The following USP18 variants were observed in gnomAD, a reference collection of about 807,000 sequenced individuals.
USP18 encodes ubl carboxyl-terminal hydrolase 18.
A neutral mutation model predicts 48.7 loss-of-function variants in USP18; 11 were observed. The observed-to-expected ratio is 0.23, with a 90% CI of 0.14 to 0.37. The LOEUF is 0.37. Ranked by LOEUF, USP18 falls within the 10% of genes least tolerant of loss-of-function variation. USP18 has a pLI of 1.00. For synonymous variants in USP18, 114 were observed against 163.2 expected (o/e 0.70, Z 2.30); for missense variants, 285 against 436.4 (o/e 0.65, Z 3.09).
At chr22:18,156,866 G>A (rs957368501) in intron 1 of USP18, among the ~76,000 whole-genome samples, 2 of 152,184 alleles carry the variant, frequency 1.3e-5, no homozygotes, top group Admixed American at 6.5e-5. Context: ...CACCAATTCC[G>A]GACACACTGG....
intron 4 of USP18, among the ~76,000 whole-genome samples, chr22:18,163,013 C>A (rs1192588705): frequency 2.0e-5 from 3 of 151,522 alleles, no homozygotes; most frequent in East Asian, 2.0e-4. Context: ...AGTGACCTAT[C>A]TTCTAGTTTG....
chr22:18,162,962 T>C (rs1335054938), intron 4 of USP18, among the ~76,000 whole-genome samples: 1 of 151,118 alleles, frequency 6.6e-6, no homozygotes, highest in Non-Finnish European at 1.5e-5. Context: ...ATCTTCACTC[T>C]TTTTCATTCT....
intron 4 of USP18, among the ~76,000 whole-genome samples, chr22:18,164,067 C>T (rs1460172515): frequency 6.6e-6 from 1 of 152,228 alleles, no homozygotes; most frequent in African/African-American, 2.4e-5. Flanking sequence ...CTTTGTCACC[C>T]CCAGGGGCCT....
At chr22:18,174,558 A>G (rs954042133) in intron 10 of USP18, among the ~76,000 whole-genome samples, 7 of 151,972 alleles carry the variant, frequency 4.6e-5, no homozygotes, top group Non-Finnish European at 8.8e-5. Flanking sequence ...GCATTTGAGC[A>G]TACCTCTTTT....
At position 18,156,650 on chromosome 22, in the gene USP18, C is replaced by A. The variant is rs945422576; in HGVS notation, c.-106-908C>A. ...CGGGAGGAACGGACATCTCCAGATG[C>A]GCCGTATTAGGAGCTGTAACACTCA... is the stretch of plus-strand genomic sequence containing the variant. On this transcript the variant is annotated intron_variant, in intron 1 of 10. Coordinates refer to ENST00000215794, the MANE Select transcript of USP18 (RefSeq NM_017414.4). Among the ~76,000 whole-genome samples, 3 of 151,790 alleles carry A rather than the reference C, an allele frequency of 2.0e-5. No individual in the cohort carries two copies. The East Asian group carries it at 5.8e-4, about 29-fold the overall frequency.
At chr22:18,160,039 C>T in intron 2 of USP18, 133 bp from the exon 3 acceptor site, 2 of 839,690 alleles carry the variant, frequency 2.4e-6, no homozygotes, top group Non-Finnish European at 4.1e-6. Flanking sequence ...GTCTCGAACT[C>T]CCGACCTCAG....
Position 18,161,922 on chromosome 22 carries a change from G to A in USP18, c.387G>A (p.Lys129=). 6.2e-7 allele frequency: 1 copy of A among 1,613,104 alleles called. No homozygotes were observed. Among genetic ancestry groups the A allele is most frequent in the South Asian group, 1.1e-5 (1 of 90,938 alleles). The change falls in exon 4 of 11, where the codon AAG becomes AAA. Residue 129 remains lysine, a synonymous_variant. Coordinates refer to ENST00000215794, the MANE Select transcript of USP18 (RefSeq NM_017414.4). ...TGGAGCTGGCCTACTGCCTGCAGAA[G>A]TGCAACGTGCCCTGTAAGATACCCT... ...RPLELAYCLQ[K]CNVPLFVQHD... is the part of the protein sequence containing the mutation.
At chr22:18,171,722 G>A (rs1929632398) in intron 8 of USP18, among the ~76,000 whole-genome samples, 2 of 151,774 alleles carry the variant, frequency 1.3e-5, no homozygotes, top group Non-Finnish European at 2.9e-5. Flanking sequence ...TTGTATTCCT[G>A]TATGTACGGG....
chr22:18,167,360 G>A (rs1402538198), intron 5 of USP18, 26 bp downstream of exon 5: 5 of 1,612,408 alleles, frequency 3.1e-6, no homozygotes, highest in Non-Finnish European at 4.2e-6. Flanking sequence ...CAGAGCACTC[G>A]GAAGCTTAAG....
intron 2 of USP18, among the ~76,000 whole-genome samples, chr22:18,158,445 G>A (rs571702369): frequency 6.6e-6 from 1 of 152,266 alleles, no homozygotes; most frequent in East Asian, 1.9e-4. Context: ...CCTTTGTATG[G>A]GTCTGTCTGG....
intron 1 of USP18, among the ~76,000 whole-genome samples, chr22:18,151,960 A>G (rs1215282048): frequency 1.3e-5 from 2 of 152,204 alleles, no homozygotes; most frequent in African/African-American, 2.4e-5. Flanking sequence ...AGGCTGAGGC[A>G]GGAGAATGGC....
intron 8 of USP18, 92 bp from the exon 9 acceptor site, chr22:18,173,058 C>T (rs2033539317): frequency 1.9e-6 from 3 of 1,589,396 alleles, no homozygotes; most frequent in African/African-American, 1.4e-5. Context: ...TTCTAAAGTC[C>T]CAGAGTCGGG....
At chr22:18,158,886 G>T (rs1445058482) in intron 2 of USP18, among the ~76,000 whole-genome samples, 1 of 152,066 alleles carries the variant, frequency 6.6e-6, no homozygotes, top group Non-Finnish European at 1.5e-5. Flanking sequence ...GCTCCGTGGA[G>T]AACGATTTGA....
rs1398256502 is a variant in USP18, at chr22:18,150,201, G to GGACGCTTGCAT, written c.-126_-116dup. The GGACGCTTGCAT allele has an allele frequency of 6.6e-6, 1 of 152,260 alleles. No individual in the cohort carries two copies. The highest frequency in any genetic ancestry group is 1.9e-4 in the East Asian group (1 of 5,198). The allele number at this position is 152,260 out of a possible 1,614,324, so 9.4% of individuals were successfully genotyped here. A position where few individuals can be genotyped will look rare whatever the true frequency, so the allele number is the denominator to read the frequency against. On this transcript the variant is annotated 5_prime_UTR_variant, in exon 1 of 11. It adds an upstream start codon to the 5' untranslated region. Transcript: ENST00000215794. ...GACGTGGAACTCAGCAGCGGAGGCTGGACGCTTGCATGGCGCTTGAGGCAA... is the reference window on the plus strand; with the variant it reads ...GACGTGGAACTCAGCAGCGGAGGCTGGACGCTTGCATGACGCTTGCATGGCGCTTGAGGCAA...
intron 10 of USP18, 67 bp downstream of exon 10, chr22:18,173,909 C>T (rs1450187739): frequency 1.7e-5 from 26 of 1,496,548 alleles, no homozygotes; most frequent in Middle Eastern, 1.7e-4. Context: ...CTGCATGAAA[C>T]GCCCATGGAT....
At chr22:18,167,398 T>C in intron 5 of USP18, 64 bp downstream of exon 5, 1 of 1,587,742 alleles carries the variant, frequency 6.3e-7, no homozygotes, top group Non-Finnish European at 8.6e-7. Flanking sequence ...CATTCAGCTG[T>C]TGTTCCCGTA....
intron 7 of USP18, among the ~76,000 whole-genome samples, chr22:18,170,504 C>T (rs1929599319): frequency 6.6e-6 from 1 of 152,146 alleles, no homozygotes; most frequent in South Asian, 2.1e-4. Flanking sequence ...CGCGGTGGCT[C>T]CCTGGGTCCT....
intron 1 of USP18, among the ~76,000 whole-genome samples, chr22:18,156,984 C>A (rs1336487759): frequency 6.6e-6 from 1 of 152,212 alleles, no homozygotes; most frequent in Admixed American, 6.5e-5. Flanking sequence ...CCCCTATGGC[C>A]ACTGAGGCTG....
chr22:18,154,058 C>A (rs762381366), intron 1 of USP18, among the ~76,000 whole-genome samples: 28 of 150,954 alleles, frequency 1.9e-4, no homozygotes, highest in Middle Eastern at 3.4e-3. Context: ...CATACTGATT[C>A]CCTTTCCTTT....
Sources: gnomAD v4.1 joint callset for allele counts (sites outside exome capture counted in the v4.1 genomes callset) on GRCh38, gnomAD v4.1.1 for gene constraint, MANE v1.5 for transcripts, NCBI Gene and HGNC (gene_info 2026-07-23, HGNC 2026-07-21) for gene names.